The following BIVM variants were observed in gnomAD, a reference collection of about 807,000 sequenced individuals.
The protein encoded by BIVM is basic, immunoglobulin-like variable motif containing.
A neutral mutation model predicts 61.4 loss-of-function variants in BIVM; 31 were observed. That is an observed-to-expected ratio of 0.51 (90% CI 0.38 to 0.68). BIVM has a LOEUF of 0.68. Among genes scored for constraint, BIVM ranks in the 30% least tolerant of loss-of-function variants. BIVM has a pLI of 0.00. For missense variants in BIVM, 526 were observed against 596.0 expected, an observed-to-expected ratio of 0.88 and a Z score of 1.22; for synonymous variants, 189 against 210.7, an observed-to-expected ratio of 0.90 and a Z score of 0.89.
At chr13:102,834,609 T>G (rs1881337523) in intron 9 of BIVM, 57 bp downstream of exon 9, 2 of 1,479,518 alleles carry the variant, frequency 1.4e-6, no homozygotes, top group African/African-American at 1.4e-5. Flanking sequence ...TACAGTGAAA[T>G]GCACAGATCT....
chr13:102,836,495 G>T (rs1200401482), intron 9 of BIVM, among the ~76,000 whole-genome samples: 1 of 152,068 alleles, frequency 6.6e-6, no homozygotes, highest in African/African-American at 2.4e-5. Context: ...AAACTTTTTT[G>T]TAGAGACAGA....
intron 7 of BIVM, among the ~76,000 whole-genome samples, chr13:102,825,732 G>T (rs1026604927): frequency 4.6e-5 from 7 of 152,196 alleles, no homozygotes; most frequent in African/African-American, 1.7e-4. Context: ...CTTTGTGATT[G>T]GTGGATTCCT....
At chr13:102,806,733 A>G (rs568882482) in intron 2 of BIVM, among the ~76,000 whole-genome samples, 1 of 152,082 alleles carries the variant, frequency 6.6e-6, no homozygotes, top group South Asian at 2.1e-4. Flanking sequence ...CAAGATGGAG[A>G]AACCCCATCT....
At chr13:102,816,032 A>C (rs1197093288) in intron 3 of BIVM, among the ~76,000 whole-genome samples, 2 of 152,292 alleles carry the variant, frequency 1.3e-5, no homozygotes, top group East Asian at 3.9e-4. Flanking sequence ...TTTTCTGGAA[A>C]GTGGTCTAGT....
At chr13:102,835,383 T>C (rs892758307) in intron 9 of BIVM, among the ~76,000 whole-genome samples, 1 of 151,962 alleles carries the variant, frequency 6.6e-6, no homozygotes, top group Non-Finnish European at 1.5e-5. Context: ...AGTTACAGGG[T>C]TCTGCACCAA....
rs111618563 is a variant in BIVM, at chr13:102,825,825, C to T, written c.901+3666C>T. Among the ~76,000 whole-genome samples, 312 of 152,274 alleles carry T rather than the reference C, an allele frequency of 2.0e-3. 3 individuals carry two copies. Among genetic ancestry groups the T allele is most frequent in the African/African-American group, 7.2e-3 (300 of 41,574 alleles). The stretch of plus-strand genomic sequence containing the variant: ...AAACCTGGGGGGATGGCTTTTTCTT[C>T]TGCTTGCCAGGCAGGATTCAATCCC... On this transcript the variant is annotated intron_variant, in intron 7 of 10. Transcript: ENST00000257336.
intron 3 of BIVM, among the ~76,000 whole-genome samples, chr13:102,809,985 C>T (rs1879383464): frequency 6.6e-6 from 1 of 152,088 alleles, no homozygotes; most frequent in Non-Finnish European, 1.5e-5. Flanking sequence ...CGGGGTTTCA[C>T]CGTGGTCTCG....
intron 1 of BIVM, among the ~76,000 whole-genome samples, chr13:102,802,264 T>C (rs78878301): frequency 0.032 from 4,834 of 152,284 alleles, 78 homozygotes; most frequent in African/African-American, 0.034. Context: ...TCTATAATGA[T>C]TCTGTTATTA....
At chr13:102,824,479 C>T (rs967792528) in intron 7 of BIVM, among the ~76,000 whole-genome samples, 4 of 152,158 alleles carry the variant, frequency 2.6e-5, no homozygotes, top group Admixed American at 6.5e-5. Flanking sequence ...CTGGATGTGT[C>T]GGTACTGAAA....
rs1881709267 is a variant in BIVM at position 102,839,706 on chromosome 13, TGA to T, written c.1357_1358del (p.Ser453Ter). 1 of 1,614,144 alleles carries T rather than the reference TGA, an allele frequency of 6.2e-7. No homozygotes were observed. The highest frequency in any genetic ancestry group is 2.2e-5 in the East Asian group (1 of 44,892). On this transcript the variant is annotated frameshift_variant, in exon 11 of 11. Transcript: ENST00000257336. LOFTEE classifies it high-confidence loss of function. ...CACATGCCCAGGGAATTGCCAAATC[TGA>T]GAGTGAAGACAATATTTCCAAGAAG... ...PTHAQGIAKS[E>X]SEDNISKKQH... is the part of the protein sequence containing the mutation.
chr13:102,825,193 C>T (rs931600096), intron 7 of BIVM, among the ~76,000 whole-genome samples: 2 of 152,202 alleles, frequency 1.3e-5, no homozygotes, highest in African/African-American at 2.4e-5. Flanking sequence ...GATCCGCCCG[C>T]CTCGGCCTCC....
At chr13:102,813,912 T>G (rs1424347743) in intron 3 of BIVM, among the ~76,000 whole-genome samples, 1 of 152,236 alleles carries the variant, frequency 6.6e-6, no homozygotes, top group Non-Finnish European at 1.5e-5. Context: ...TCTGTGGCTC[T>G]CTTCTTTCTG....
In BIVM at chr13:102,840,430, TCTGA is replaced by T. The variant is rs1356329408; in HGVS notation, c.*568_*571del. On this transcript the variant is annotated 3_prime_UTR_variant, in exon 11 of 11. Coordinates refer to ENST00000257336, the MANE Select transcript of BIVM (RefSeq NM_017693.4). ...TGTTTCCTGGTTATGTTCTTAGGAT[TCTGA>T]CTAAGAGGCAAAAGAGAAAAGACTC... The T allele has an allele frequency of 6.6e-6, 1 of 152,304 alleles. No homozygotes were observed. Among genetic ancestry groups the T allele is most frequent in the East Asian group, 1.9e-4 (1 of 5,198 alleles). The allele number at this position is 152,304 out of a possible 1,614,324, so 9.4% of individuals were successfully genotyped here.
intron 3 of BIVM, among the ~76,000 whole-genome samples, chr13:102,811,146 G>A (rs945923000): frequency 7.2e-5 from 11 of 152,188 alleles, no homozygotes; most frequent in Non-Finnish European, 1.3e-4. Flanking sequence ...TTTTATAATT[G>A]TTCGTGTATT....
chr13:102,828,621 C>A (rs1440209128), intron 7 of BIVM, among the ~76,000 whole-genome samples: 1 of 152,232 alleles, frequency 6.6e-6, no homozygotes, highest in African/African-American at 2.4e-5. Flanking sequence ...TAACATACCC[C>A]TTTCCTCTTT....
chr13:102,819,247 C>G (rs1205018967), intron 4 of BIVM, among the ~76,000 whole-genome samples: 2 of 152,126 alleles, frequency 1.3e-5, no homozygotes, highest in African/African-American at 4.8e-5. Context: ...TTGTGTTGTT[C>G]AGTGGGTAAA....
intron 8 of BIVM, among the ~76,000 whole-genome samples, 176 bp downstream of exon 8, chr13:102,831,873 C>CAAAAAAAA (rs67223159): frequency 4.4e-3 from 459 of 105,406 alleles, no homozygotes; most frequent in African/African-American, 0.012. Flanking sequence ...ACTAAAAATA[C>CAAAAAAAA]AAAAAAAAAA....
intron 8 of BIVM, 30 bp from the exon 9 acceptor site, chr13:102,834,436 A>C (rs752072666): frequency 6.3e-7 from 1 of 1,580,034 alleles, no homozygotes; most frequent in South Asian, 1.2e-5. Flanking sequence ...AGTAACTATT[A>C]AACGTACTGT....
chr13:102,826,722 T>G (rs1340373467), intron 7 of BIVM, among the ~76,000 whole-genome samples: 1 of 152,202 alleles, frequency 6.6e-6, no homozygotes, highest in Non-Finnish European at 1.5e-5. Flanking sequence ...CTTGTTTTCT[T>G]TTTGCCTGCT....
Sources: gnomAD v4.1 joint callset for allele counts (sites outside exome capture counted in the v4.1 genomes callset) on GRCh38, gnomAD v4.1.1 for gene constraint, MANE v1.5 for transcripts, NCBI Gene and HGNC (gene_info 2026-07-23, HGNC 2026-07-21) for gene names.